Variants in ITGA2 observed in about 807,000 individuals in gnomAD.
ITGA2 encodes integrin alpha-2.
ITGA2 carries 101 observed loss-of-function variants against 146.3 expected under a neutral mutation model. The ratio of observed to expected loss-of-function variants is 0.69; its 90% CI spans 0.59 to 0.81. The LOEUF is 0.81. Ranked by LOEUF, ITGA2 falls within the 40% of genes least tolerant of loss-of-function variation. ITGA2 has a pLI of 0.00. For missense variants in ITGA2, 1,281 were observed against 1,402.7 expected (o/e 0.91, Z 1.39); for synonymous variants, 477 against 487.1 (o/e 0.98, Z 0.27).
At chr5:53,084,253 A>G (rs1329940158) in intron 27 of ITGA2, among the ~76,000 whole-genome samples, 6 of 152,076 alleles carry the variant, frequency 3.9e-5, no homozygotes, top group Non-Finnish European at 8.8e-5. Flanking sequence ...AACAGAAATT[A>G]GTCTGAAACC....
chr5:53,026,750 A>G lies in ITGA2; in HGVS notation c.67A>G (p.Ile23Val), dbSNP rs776061554. Residue 23 changes from isoleucine to valine, a missense_variant and splice_region_variant, in exon 2 of 30, where the codon ATT becomes GTT. Ile to Val is a conservative substitution (Grantham distance 29). Transcript: ENST00000296585. ...LLLVLALSQG[I>V]LNCCLAYNVG... Reference sequence around the variant, plus strand: ...CTATTTCATATTTTTCTTAATAGGCATTTTAAATTGTTGTTTGGCCTACAA... The same window carrying G: ...CTATTTCATATTTTTCTTAATAGGCGTTTTAAATTGTTGTTTGGCCTACAA... 10 of 1,608,712 alleles carry G rather than the reference A, an allele frequency of 6.2e-6. 1 individual carries two copies. In the South Asian group the frequency reaches 9.9e-5, roughly 16 times the overall value.
rs915616202 is a variant in ITGA2 at position 53,021,767 on chromosome 5, T to C, written c.65-4981T>C. Among the ~76,000 whole-genome samples, 5 of 152,208 alleles carry C rather than the reference T, an allele frequency of 3.3e-5. No individual in the cohort carries two copies. The South Asian group carries it at 1.0e-3, about 32-fold the overall frequency. On this transcript the variant is annotated intron_variant, in intron 1 of 29. Coordinates refer to ENST00000296585, the MANE Select transcript of ITGA2 (RefSeq NM_002203.4). ...TTTGTTCAATATTTAATGGAGACAT[T>C]GTTCCCCCTAGAAGTGCAGTATGCA...
At position 53,089,985 on chromosome 5, in the gene ITGA2, G is replaced by A; in HGVS notation, c.3388G>A (p.Val1130Ile). 1 of 1,613,330 alleles carries A rather than the reference G, an allele frequency of 6.2e-7. No individual in the cohort carries two copies. The highest frequency in any genetic ancestry group is 8.5e-7 in the Non-Finnish European group (1 of 1,179,328). Reference protein sequence around the residue: ...MIMKPDEKAEVPTGVIIGSII... With the variant: ...MIMKPDEKAEIPTGVIIGSII... ...AATGAAACCTGATGAGAAAGCCGAA[G>A]TACCAACAGGAGTTATAATAGGAAG... The change falls in exon 29 of 30, where the codon GTA becomes ATA. Residue 1130 changes from valine (V) to isoleucine (I), a missense_variant. Val to Ile is a conservative substitution (Grantham distance 29, BLOSUM62 3). Transcript: ENST00000296585.
intron 2 of ITGA2, among the ~76,000 whole-genome samples, chr5:53,039,739 CAAAAAAAAAA>C (rs1175067104): frequency 1.2e-4 from 4 of 33,266 alleles, no homozygotes; most frequent in East Asian, 9.3e-4. Flanking sequence ...GACTCCATCT[CAAAAAAAAAA>C]AAAAAAAAAA....
At chr5:53,054,404 TTTTC>T (rs1368701866) in intron 7 of ITGA2, among the ~76,000 whole-genome samples, 2 of 152,212 alleles carry the variant, frequency 1.3e-5, no homozygotes, top group Non-Finnish European at 1.5e-5. Flanking sequence ...GCTCTGATTT[TTTTC>T]TTTATTTGAT....
In ITGA2 at chr5:53,075,454, A is replaced by G. The variant is rs151309022; in HGVS notation, c.2825+150A>G. On this transcript the variant is annotated intron_variant, in intron 23 of 29. Coordinates refer to ENST00000296585, the MANE Select transcript of ITGA2 (RefSeq NM_002203.4). The stretch of plus-strand genomic sequence containing the variant: ...TGTCAACTAAAACAGGAGTCCACAG[A>G]CATATTGGTCCCTAGGAAAACCTTG... 11 of 722,962 alleles carry G rather than the reference A, an allele frequency of 1.5e-5. No homozygotes were observed. In the East Asian group the frequency reaches 3.0e-4, roughly 19 times the overall value. The allele number at this position is 722,962 out of a possible 1,614,324, so 44.8% of individuals were successfully genotyped here.
intron 27 of ITGA2, among the ~76,000 whole-genome samples, chr5:53,084,331 G>A (rs1408336242): frequency 6.6e-6 from 1 of 151,794 alleles, no homozygotes; most frequent in Non-Finnish European, 1.5e-5. Flanking sequence ...AGTTCCCAAG[G>A]TGCTTACAAC....
chr5:53,082,633 G>A (rs1745975293), intron 26 of ITGA2, among the ~76,000 whole-genome samples: 2 of 152,084 alleles, frequency 1.3e-5, no homozygotes, highest in African/African-American at 4.8e-5. Flanking sequence ...CCGCACAAGA[G>A]TGGTATATTT....
intron 12 of ITGA2, among the ~76,000 whole-genome samples, chr5:53,061,639 A>G (rs1744908894): frequency 6.6e-6 from 1 of 151,934 alleles, no homozygotes; most frequent in Non-Finnish European, 1.5e-5. Flanking sequence ...AATCCCAGAT[A>G]TGGCCCACTA....
chr5:53,093,047 G>C lies in ITGA2; in HGVS notation c.*2448G>C, dbSNP rs945040962. On this transcript the variant is annotated 3_prime_UTR_variant, in exon 30 of 30. Transcript: ENST00000296585. Reference sequence around the variant, plus strand: ...TTGAACCCGGGAGGCAGAGGTTTCAGTGAGCCGAGATCGCGCCACTGCACT... The same window carrying C: ...TTGAACCCGGGAGGCAGAGGTTTCACTGAGCCGAGATCGCGCCACTGCACT... The C allele has an allele frequency of 6.6e-6, 1 of 152,360 alleles. No homozygotes were observed. The highest frequency in any genetic ancestry group is 1.5e-5 in the Non-Finnish European group (1 of 68,184). 9.4% of individuals were successfully genotyped at this position (152,360 alleles called of 1,614,324 possible). A position where few individuals can be genotyped will look rare whatever the true frequency, so the allele number is the denominator to read the frequency against.
At chr5:52,996,135 G>A (rs1357527085) in intron 1 of ITGA2, among the ~76,000 whole-genome samples, 1 of 152,172 alleles carries the variant, frequency 6.6e-6, no homozygotes, top group Non-Finnish European at 1.5e-5. Context: ...GTAAAAGGGA[G>A]GAGAGAGTAG....
At chr5:53,058,215 T>C in intron 10 of ITGA2, 114 bp downstream of exon 10, 2 of 794,208 alleles carry the variant, frequency 2.5e-6, no homozygotes, top group South Asian at 1.4e-5. Flanking sequence ...CCCTTCTGAT[T>C]CCTAGTCACG....
At position 53,065,090 on chromosome 5, in the gene ITGA2, G is replaced by C; in HGVS notation, c.1781G>C (p.Gly594Ala). The C allele has an allele frequency of 6.2e-7, 1 of 1,612,576 alleles. No homozygotes were observed. The highest frequency in any genetic ancestry group is 8.5e-7 in the Non-Finnish European group (1 of 1,179,066). The part of the protein sequence containing the change: ...GAVYIYNGHQ[G>A]TIRTKYSQKI... ...GTATACATTTACAATGGTCATCAGG[G>C]CACTATCCGCACAAAGTATTCCCAG... Residue 594 changes from glycine (G) to alanine (A), a missense_variant, in exon 14 of 30, where the codon GGC becomes GCC. Coordinates refer to ENST00000296585, the MANE Select transcript of ITGA2 (RefSeq NM_002203.4).
At position 53,082,012 on chromosome 5, in the gene ITGA2, G is replaced by A. The variant is rs144391502; in HGVS notation, c.3144+316G>A. On this transcript the variant is annotated intron_variant, in intron 26 of 29. Coordinates refer to ENST00000296585, the MANE Select transcript of ITGA2 (RefSeq NM_002203.4). ...TCATGTGAAGCTATTGTGTTTATGC[G>A]TTGTGCACTTTGGAAACAAGGCAAA... is the stretch of plus-strand genomic sequence containing the variant. 2.4e-3 allele frequency among the ~76,000 whole-genome samples: 369 copies of A among 152,266 alleles called. 2 individuals carry two copies. Among genetic ancestry groups the A allele is most frequent in the African/African-American group, 8.7e-3 (361 of 41,558 alleles).
intron 1 of ITGA2, among the ~76,000 whole-genome samples, chr5:53,017,547 G>A (rs958619168): frequency 1.3e-5 from 2 of 152,260 alleles, no homozygotes; most frequent in East Asian, 3.8e-4. Context: ...GGTGGCAGCA[G>A]GATCCATCGT....
At chr5:53,064,275 A>T (rs962163222) in intron 13 of ITGA2, among the ~76,000 whole-genome samples, 20 of 151,876 alleles carry the variant, frequency 1.3e-4, no homozygotes, top group Admixed American at 5.9e-4. Context: ...CACCAGAAAA[A>T]TTTTAAATCA....
intron 1 of ITGA2, among the ~76,000 whole-genome samples, chr5:53,021,818 TC>T (rs1380145413): frequency 6.6e-6 from 1 of 152,202 alleles, no homozygotes; most frequent in East Asian, 1.9e-4. Flanking sequence ...CAAATTGCAA[TC>T]TGAGAGGCTG....
rs141692486 is a variant in ITGA2 at position 53,050,562 on chromosome 5, C to T, written c.631-849C>T. ...TGGAACTCAGAAATCCAGTCCTCAC[C>T]GCTTCCACCTCCTTACATACTGACC... is the stretch of plus-strand genomic sequence containing the variant. On this transcript the variant is annotated intron_variant, in intron 6 of 29. Transcript: ENST00000296585. Among the ~76,000 whole-genome samples the T allele has an allele frequency of 5.5e-3, 835 of 152,224 alleles. 6 individuals are homozygous for T. Among genetic ancestry groups the T allele is most frequent in the African/African-American group, 0.019 (798 of 41,558 alleles).
chr5:53,049,222 G>A (rs926236494), intron 6 of ITGA2, among the ~76,000 whole-genome samples: 1 of 149,326 alleles, frequency 6.7e-6, no homozygotes, highest in Non-Finnish European at 1.5e-5. Context: ...ATGTTGGCCA[G>A]GCTGGCCTTG....
Sources: gnomAD v4.1 joint callset for allele counts (sites outside exome capture counted in the v4.1 genomes callset) on GRCh38, gnomAD v4.1.1 for gene constraint, MANE v1.5 for transcripts, NCBI Gene and HGNC (gene_info 2026-07-23, HGNC 2026-07-21) for gene names.